HBS1L: variants seen among roughly 807,000 people sequenced by gnomAD.
The protein encoded by HBS1L is HBS1-like protein.
Under a neutral mutation model 88.9 loss-of-function variants are expected in HBS1L, and 55 were observed. The ratio of observed to expected loss-of-function variants is 0.62; its 90% CI spans 0.50 to 0.77. The LOEUF (loss-of-function observed/expected upper bound fraction) is 0.77. HBS1L is among the 30% of genes least tolerant of loss of function. HBS1L has a pLI of 0.00. For missense variants in HBS1L, 741 were observed against 829.3 expected (o/e 0.89, Z 1.31); for synonymous variants, 267 against 288.5 (o/e 0.93, Z 0.76).
chr6:134,975,699 G>T (rs1173062212), intron 15 of HBS1L, among the ~76,000 whole-genome samples: 2 of 151,934 alleles, frequency 1.3e-5, no homozygotes, highest in Middle Eastern at 3.2e-3. Flanking sequence ...AAAATGGATG[G>T]TGCTGGATAG....
At chr6:135,046,015 TA>T (rs920174052) in intron 2 of HBS1L, among the ~76,000 whole-genome samples, 2 of 152,174 alleles carry the variant, frequency 1.3e-5, no homozygotes, top group Non-Finnish European at 2.9e-5. Flanking sequence ...AAGTTGACAC[TA>T]AAAACACAAA....
chr6:134,965,342 T>C, intron 17 of HBS1L, 52 bp from the exon 18 acceptor site: 3 of 1,242,618 alleles, frequency 2.4e-6, no homozygotes, highest in African/African-American at 3.0e-5. Context: ...TCAATCACAT[T>C]ATAAGAACAA....
chr6:134,977,108 G>A (rs1465033047), intron 15 of HBS1L, among the ~76,000 whole-genome samples: 1 of 151,696 alleles, frequency 6.6e-6, no homozygotes, highest in African/African-American at 2.4e-5. Flanking sequence ...TCTCCCATAG[G>A]GAGTAGACTG....
chr6:135,036,161 T>C, intron 4 of HBS1L: 24 of 802,320 alleles, frequency 3.0e-5, no homozygotes, highest in Non-Finnish European at 3.6e-5. Context: ...AGAATAATCT[T>C]CACACTAAAC....
At position 135,039,781 on chromosome 6, in the gene HBS1L, CA is replaced by C; in HGVS notation, c.236-15del. On this transcript the variant is annotated splice_polypyrimidine_tract_variant and intron_variant, in intron 3 of 17. Coordinates refer to ENST00000367837, the MANE Select transcript of HBS1L (RefSeq NM_006620.4). ...AATAAAGACGAGCTAGAAAAGACGA[CA>C]ATGGTCAAAAGCTATACTAAATGGT... is the stretch of plus-strand genomic sequence containing the variant. The C allele has an allele frequency of 1.3e-6, 2 of 1,598,512 alleles. No homozygotes were observed. Among genetic ancestry groups the C allele is most frequent in the Admixed American group, 1.8e-5 (1 of 56,712 alleles).
intron 11 of HBS1L, 90 bp from the exon 12 acceptor site, chr6:134,985,499 T>C: frequency 2.7e-6 from 2 of 744,676 alleles, no homozygotes; most frequent in Non-Finnish European, 4.5e-6. Context: ...CCACTTCTCC[T>C]AGAAAATAAC....
intron 15 of HBS1L, among the ~76,000 whole-genome samples, chr6:134,974,022 T>G (rs372182417): frequency 3.3e-5 from 5 of 151,908 alleles, no homozygotes; most frequent in Non-Finnish European, 7.4e-5. Context: ...TTAAAAAATA[T>G]AGAGTAAGAG....
intron 1 of HBS1L, among the ~76,000 whole-genome samples, chr6:135,052,724 A>G (rs568692660): frequency 1.3e-5 from 2 of 152,372 alleles, no homozygotes; most frequent in African/African-American, 4.8e-5. Context: ...TCAATCAACA[A>G]AATTATGAAA....
At chr6:134,984,620 T>C (rs143966357) in intron 12 of HBS1L, among the ~76,000 whole-genome samples, 179 of 152,296 alleles carry the variant, frequency 1.2e-3, no homozygotes, top group African/African-American at 4.2e-3. Context: ...TTTATTATTG[T>C]AATAATAAAT....
intron 4 of HBS1L, chr6:135,036,735 T>C (rs1478204932): frequency 1.3e-6 from 2 of 1,551,208 alleles, no homozygotes; most frequent in Non-Finnish European, 1.7e-6. Flanking sequence ...GCTTGCAGCT[T>C]TTCAGTGGGT....
intron 15 of HBS1L, among the ~76,000 whole-genome samples, chr6:134,978,379 T>G (rs1000119348): frequency 6.6e-5 from 10 of 151,956 alleles, no homozygotes; most frequent in Non-Finnish European, 2.9e-5. Context: ...AAGTAAACTT[T>G]AGAACACAGT....
rs115931790 is a variant in HBS1L, at chr6:135,030,532, G to T, written c.430+9041C>A. The stretch of plus-strand genomic sequence containing the variant: ...AGGGCTCAGGAAATAAAAGGATTTA[G>T]ATAGGGAGACAGAAAATTAGATCTT... On this transcript the variant is annotated intron_variant, in intron 4 of 17. Transcript: ENST00000367837. Among the ~76,000 whole-genome samples the T allele has an allele frequency of 4.1e-3, 622 of 152,306 alleles. 10 individuals carry two copies. The highest frequency in any genetic ancestry group is 0.014 in the African/African-American group (598 of 41,560).
chr6:135,046,474 T>C (rs1776916654), intron 2 of HBS1L, among the ~76,000 whole-genome samples: 1 of 152,226 alleles, frequency 6.6e-6, no homozygotes. Context: ...AAGTTTTATA[T>C]GCAAACTCCT....
Position 134,966,467 on chromosome 6 carries a change from C to T in HBS1L, c.1905G>A (p.Leu635=), listed in dbSNP as rs113089804. The part of the protein sequence containing the change: ...GEVTKKKPKF[L]TKGQNALVEL... ...CTACCAATGCATTCTGGCCTTTAGT[C>T]AAAAACCTATTAAGAAAAAAAAAGA... The change falls in exon 17 of 18, where the codon TTG becomes TTA. Residue 635 remains leucine, a synonymous_variant. Coordinates refer to ENST00000367837, the MANE Select transcript of HBS1L (RefSeq NM_006620.4). 143 of 1,569,040 alleles carry T rather than the reference C, an allele frequency of 9.1e-5. No individual in the cohort carries two copies. The African/African-American group carries it at 1.9e-3, about 21-fold the overall frequency.
chr6:135,019,943 G>C (rs1275980171), intron 4 of HBS1L, among the ~76,000 whole-genome samples: 1 of 151,710 alleles, frequency 6.6e-6, no homozygotes, highest in East Asian at 1.9e-4. Context: ...GTTTGATCTA[G>C]CTTGACAGTG....
In HBS1L at chr6:135,042,326, C is replaced by G. The variant is rs9494134; in HGVS notation, c.110-200G>C. ...TCGAAGGTGCTTACAATTTATTATTCTCTTATAATCTTCTTCCTTCTTTCC... is the reference window on the plus strand; with the variant it reads ...TCGAAGGTGCTTACAATTTATTATTGTCTTATAATCTTCTTCCTTCTTTCC... On this transcript the variant is annotated intron_variant, in intron 2 of 17. Coordinates refer to ENST00000367837, the MANE Select transcript of HBS1L (RefSeq NM_006620.4). Among the ~76,000 whole-genome samples the G allele has an allele frequency of 3.5e-3, 533 of 152,146 alleles. 3 individuals are homozygous for G. Among genetic ancestry groups the G allele is most frequent in the African/African-American group, 0.012 (514 of 41,502 alleles).
chr6:134,982,377 G>A (rs1774854779), intron 13 of HBS1L, 81 bp downstream of exon 13: 1 of 768,190 alleles, frequency 1.3e-6, no homozygotes, highest in African/African-American at 1.7e-5. Flanking sequence ...ACTTACTTTG[G>A]AGTTGTAACT....
chr6:134,978,875 T>C, intron 14 of HBS1L, 88 bp from the exon 15 acceptor site: 1 of 792,626 alleles, frequency 1.3e-6, no homozygotes, highest in Non-Finnish European at 2.1e-6. Flanking sequence ...ACAAGGAAAG[T>C]AAAACAATTA....
intron 3 of HBS1L, 115 bp downstream of exon 3, chr6:135,041,886 T>A: frequency 1.2e-6 from 1 of 815,176 alleles, no homozygotes. Context: ...ATGAAAGATA[T>A]GTTTACATCA....
Sources: allele counts gnomAD v4.1 joint callset (sites outside exome capture counted in the v4.1 genomes callset), GRCh38; gene constraint gnomAD v4.1.1; transcripts MANE v1.5; gene names NCBI Gene and HGNC (gene_info 2026-07-23, HGNC 2026-07-21).